The following DDX49 variants were observed in gnomAD, a reference collection of about 807,000 sequenced individuals.
DDX49 encodes the protein probable ATP-dependent RNA helicase DDX49.
DDX49 carries 50 observed loss-of-function variants against 56.3 expected under a neutral mutation model. That is an observed-to-expected ratio of 0.89 (90% CI 0.71 to 1.12). DDX49 has a LOEUF of 1.12. DDX49 is among the 50% of genes most tolerant of loss of function. The pLI is 0.00. For synonymous variants in DDX49, 269 were observed against 270.6 expected, an observed-to-expected ratio of 0.99 and a Z score of 0.06; for missense variants, 614 against 650.5, an observed-to-expected ratio of 0.94 and a Z score of 0.61.
At chr19:18,924,461 C>T (rs1479669889) in intron 7 of DDX49, among the ~76,000 whole-genome samples, 153 bp downstream of exon 7, 2 of 152,160 alleles carry the variant, frequency 1.3e-5, no homozygotes, top group African/African-American at 2.4e-5. Flanking sequence ...CCTCCCTGAC[C>T]GCATCTCTTT....
Position 18,924,948 on chromosome 19 carries a change from C to T in DDX49, c.996C>T (p.Tyr332=), listed in dbSNP as rs765878886. The T allele has an allele frequency of 3.7e-6, 6 of 1,612,558 alleles. No homozygotes were observed. Among genetic ancestry groups the T allele is most frequent in the Non-Finnish European group, 5.1e-6 (6 of 1,179,990 alleles). ...NHNTPGLPKI[Y]IHRVGRTARA... is the part of the protein sequence containing the mutation. ...ACACCCCCGGGCTCCCCAAGATCTA[C>T]ATCCACCGAGTCGGCCGGACGGCCC... The change falls in exon 9 of 13, where the codon TAC becomes TAT. Residue 332 remains tyrosine, a synonymous_variant. Coordinates refer to ENST00000247003, the MANE Select transcript of DDX49 (RefSeq NM_019070.5).
At chr19:18,924,116 C>T in intron 6 of DDX49, 117 bp from the exon 7 acceptor site, 1 of 1,008,558 alleles carries the variant, frequency 9.9e-7, no homozygotes, top group Non-Finnish European at 1.6e-6. Flanking sequence ...CCTGCTGCCT[C>T]TCCTTTCTAA....
intron 1 of DDX49, 119 bp from the exon 2 acceptor site, chr19:18,920,461 C>A: frequency 9.1e-7 from 1 of 1,104,052 alleles, no homozygotes; most frequent in Admixed American, 2.3e-5. Flanking sequence ...CATCTCGGGT[C>A]AAATGGATAT....
intron 12 of DDX49, 27 bp from the exon 13 acceptor site, chr19:18,928,101 G>C (rs373071878): frequency 1.9e-5 from 31 of 1,612,012 alleles, no homozygotes; most frequent in African/African-American, 4.0e-5. Flanking sequence ...CGCCAGCTCA[G>C]CCATCCCCTG....
At chr19:18,925,084 C>T in intron 9 of DDX49, 105 bp downstream of exon 9, 2 of 1,381,016 alleles carry the variant, frequency 1.4e-6, no homozygotes, top group Non-Finnish European at 1.9e-6. Flanking sequence ...CAGATGAGAG[C>T]TACTCAGGGC....
intron 6 of DDX49, among the ~76,000 whole-genome samples, chr19:18,923,466 G>A (rs969738939): frequency 3.3e-5 from 5 of 152,180 alleles, no homozygotes; most frequent in Admixed American, 2.0e-4. Context: ...AGGTTACAGT[G>A]AGCCGAGATC....
At chr19:18,920,388 C>G (rs1218399807) in intron 1 of DDX49, among the ~76,000 whole-genome samples, 192 bp from the exon 2 acceptor site, 1 of 152,216 alleles carries the variant, frequency 6.6e-6, no homozygotes, top group Non-Finnish European at 1.5e-5. Context: ...GAAGGGAATT[C>G]TGGATTCCCC....
At position 18,922,224 on chromosome 19, in the gene DDX49, C is replaced by G. The variant is rs111659997; in HGVS notation, c.448-102C>G. On this transcript the variant is annotated intron_variant, in intron 4 of 12. Coordinates refer to ENST00000247003, the MANE Select transcript of DDX49 (RefSeq NM_019070.5). The stretch of plus-strand genomic sequence containing the variant: ...CCTTGGAAGGAGGGTACTCCAGGGC[C>G]TAGGGTCCATGTCCATGCCTCTCAA... 32 of 1,427,268 alleles carry G rather than the reference C, an allele frequency of 2.2e-5. No individual in the cohort carries two copies. The African/African-American group carries it at 2.2e-4, about 10-fold the overall frequency. The allele number at this position is 1,427,268 out of a possible 1,614,324, so 88.4% of individuals were successfully genotyped here.
At position 18,928,265 on chromosome 19, in the gene DDX49, G is replaced by A. The variant is rs1230439858; in HGVS notation, c.1401G>A (p.Arg467=). ...GRAGHKGRPP[R]TPSGSHSGPV... is the part of the protein sequence containing the mutation. ...CTGGCCACAAGGGGCGTCCACCCAG[G>A]ACACCGTCTGGGTCCCACTCAGGCC... is the stretch of plus-strand genomic sequence containing the variant. Residue 467 remains arginine (R), a synonymous_variant, in exon 13 of 13, where the codon AGG becomes AGA. Coordinates refer to ENST00000247003, the MANE Select transcript of DDX49 (RefSeq NM_019070.5). 3.8e-6 allele frequency: 6 copies of A among 1,585,568 alleles called. No individual in the cohort carries two copies. Among genetic ancestry groups the A allele is most frequent in the Non-Finnish European group, 5.1e-6 (6 of 1,166,212 alleles).
At position 18,920,671 on chromosome 19, in the gene DDX49, T is replaced by C; in HGVS notation, c.207T>C (p.Tyr69=). The C allele has an allele frequency of 6.2e-7, 1 of 1,610,180 alleles. No individual in the cohort carries two copies. Among genetic ancestry groups the C allele is most frequent in the Middle Eastern group, 1.7e-4 (1 of 6,054 alleles). ...PILQKLSEDP[Y]GIFCLVLTPT... ...TGCAGAAGCTGTCTGAGGATCCCTATGGCATCTTCTGCCTCGTCCTGACAC... is the reference window on the plus strand; with the variant it reads ...TGCAGAAGCTGTCTGAGGATCCCTACGGCATCTTCTGCCTCGTCCTGACAC... The change falls in exon 2 of 13, where the codon TAT becomes TAC. Residue 69 remains tyrosine (Y), a synonymous_variant. Coordinates refer to ENST00000247003, the MANE Select transcript of DDX49 (RefSeq NM_019070.5).
Position 18,919,762 on chromosome 19 carries a change from C to G in DDX49, c.21C>G (p.Leu7=), listed in dbSNP as rs2231992. 1 of 1,611,792 alleles carries G rather than the reference C, an allele frequency of 6.2e-7. No individual in the cohort carries two copies. The highest frequency in any genetic ancestry group is 8.5e-7 in the Non-Finnish European group (1 of 1,178,376). Residue 7 remains leucine (L), a synonymous_variant, in exon 1 of 13, where the codon CTC becomes CTG. Coordinates refer to ENST00000247003, the MANE Select transcript of DDX49 (RefSeq NM_019070.5). MAGFAE[L]GLSSWLVEQC... is the part of the protein sequence containing the mutation. Reference sequence around the variant, plus strand: ...CAAGGATGGCAGGCTTCGCGGAGCTCGGGCTGTCATCGTGGCTCGTGGAAC... The same window carrying G: ...CAAGGATGGCAGGCTTCGCGGAGCTGGGGCTGTCATCGTGGCTCGTGGAAC...
chr19:18,923,103 G>A (rs1378312547), intron 6 of DDX49, among the ~76,000 whole-genome samples: 1 of 152,206 alleles, frequency 6.6e-6, no homozygotes, highest in Non-Finnish European at 1.5e-5. Context: ...GAGACCCCTG[G>A]GGAGGGCAGT....
chr19:18,927,465 GA>G (rs1055916383), intron 10 of DDX49, among the ~76,000 whole-genome samples: 9 of 151,794 alleles, frequency 5.9e-5, no homozygotes, highest in South Asian at 2.1e-4. Context: ...TGCTAACACC[GA>G]AAAAAAATGG....
At chr19:18,920,886 A>T (rs1466699516) in intron 2 of DDX49, 183 bp downstream of exon 2, 2 of 488,714 alleles carry the variant, frequency 4.1e-6, no homozygotes, top group Non-Finnish European at 6.9e-6. Flanking sequence ...CACACCTGTA[A>T]TCCCAGCACT....
rs1050089549 is a variant in DDX49, at chr19:18,928,445, G to A, written c.*129G>A. The A allele has an allele frequency of 6.9e-5, 63 of 912,848 alleles. No homozygotes were observed. Among genetic ancestry groups the A allele is most frequent in the Non-Finnish European group, 8.7e-5 (54 of 624,222 alleles). 56.5% of individuals were successfully genotyped at this position (912,848 alleles called of 1,614,324 possible). A position where few individuals can be genotyped will look rare whatever the true frequency, so the allele number is the denominator to read the frequency against. Reference sequence around the variant, plus strand: ...CCCACAGCAGAACCCGTGGGCGCTCGTGTTGTGCGGGCCCTGCTCCTCTGC... The same window carrying A: ...CCCACAGCAGAACCCGTGGGCGCTCATGTTGTGCGGGCCCTGCTCCTCTGC... On this transcript the variant is annotated 3_prime_UTR_variant, in exon 13 of 13. Coordinates refer to ENST00000247003, the MANE Select transcript of DDX49 (RefSeq NM_019070.5).
chr19:18,927,387 AAG>A (rs988050390), intron 10 of DDX49, among the ~76,000 whole-genome samples: 73 of 152,296 alleles, frequency 4.8e-4, no homozygotes, highest in African/African-American at 1.6e-3. Context: ...AAAAAAAAGA[AAG>A]AAATATCTGG....
rs533078265 is a variant in DDX49 at position 18,925,947 on chromosome 19, C to T, written c.1028-356C>T. Among the ~76,000 whole-genome samples, 6 of 152,340 alleles carry T rather than the reference C, an allele frequency of 3.9e-5. No homozygotes were observed. The East Asian group carries it at 9.6e-4, about 24-fold the overall frequency. On this transcript the variant is annotated intron_variant, in intron 9 of 12. Transcript: ENST00000247003. ...TGTCCACCATCAGTGCAGTTTCGGC[C>T]CTAGTCAACGTCACAGAAAACAGCA...
At chr19:18,925,518 G>A (rs1055060408) in intron 9 of DDX49, among the ~76,000 whole-genome samples, 2 of 152,186 alleles carry the variant, frequency 1.3e-5, no homozygotes, top group African/African-American at 4.8e-5. Context: ...TCGCACAATT[G>A]CACTCCAGCC....
chr19:18,926,229 C>A, intron 9 of DDX49, 74 bp from the exon 10 acceptor site: 1 of 1,440,942 alleles, frequency 6.9e-7, no homozygotes, highest in Non-Finnish European at 9.5e-7. Flanking sequence ...AGCTGTGTAG[C>A]TGTCAGGATC....
Sources: allele counts gnomAD v4.1 joint callset (sites outside exome capture counted in the v4.1 genomes callset), GRCh38; gene constraint gnomAD v4.1.1; transcripts MANE v1.5; gene names NCBI Gene and HGNC (gene_info 2026-07-23, HGNC 2026-07-21).